The following GSE1 variants were observed in gnomAD, a reference collection of about 807,000 sequenced individuals.
GSE1 encodes Gse1 coiled-coil protein.
GSE1 carries 32 observed loss-of-function variants against 112.6 expected under a neutral mutation model. That is an observed-to-expected ratio of 0.28 (90% CI 0.21 to 0.38). GSE1 has a LOEUF of 0.38. GSE1 is among the 10% of genes least tolerant of loss of function. The probability of loss-of-function intolerance (pLI) is 1.00; values close to 1 mark genes in which losing one functional copy is unlikely to be tolerated. For synonymous variants in GSE1, 1,115 were observed against 735.6 expected (o/e 1.52, Z -8.35); for missense variants, 2,348 against 1,699.2 (o/e 1.38, Z -6.71).
intron 2 of GSE1, among the ~76,000 whole-genome samples, chr16:85,420,846 T>C (rs73259364): frequency 0.077 from 11,678 of 152,138 alleles, 465 homozygotes; most frequent in African/African-American, 0.1. Context: ...AGCCTGGAGC[T>C]GCAGTGCCGC....
At chr16:85,410,502 GGATAATCC>G (rs2048494930) in intron 2 of GSE1, among the ~76,000 whole-genome samples, 1 of 4,752 alleles carries the variant, frequency 2.1e-4, no homozygotes, top group Non-Finnish European at 7.0e-4. Context: ...AGGGCCCCCC[GGATAATCC>G]TCACTGTTAC....
chr16:85,400,588 CTGTGTA>C (rs2048081630), intron 2 of GSE1, among the ~76,000 whole-genome samples: 1 of 148,132 alleles, frequency 6.8e-6, no homozygotes, highest in Non-Finnish European at 1.5e-5. Context: ...ATGCATGCGT[CTGTGTA>C]TGAGTGTATG....
intron 1 of GSE1, among the ~76,000 whole-genome samples, chr16:85,280,310 G>A (rs2044820077): frequency 6.6e-6 from 1 of 152,172 alleles, no homozygotes; most frequent in Non-Finnish European, 1.5e-5. Flanking sequence ...CTCTGGCCAA[G>A]GCCCCATCCA....
At chr16:85,499,864 A>G (rs752253298) in intron 2 of GSE1, among the ~76,000 whole-genome samples, 1 of 152,234 alleles carries the variant, frequency 6.6e-6, no homozygotes, top group Non-Finnish European at 1.5e-5. Flanking sequence ...TTACAGCCCA[A>G]GCATCACGTA....
chr16:85,355,750 G>A (rs993925972), intron 1 of GSE1, among the ~76,000 whole-genome samples: 3 of 152,218 alleles, frequency 2.0e-5, no homozygotes, highest in African/African-American at 7.2e-5. Flanking sequence ...GCCAGGTGCA[G>A]GGGCTCACAC....
chr16:85,614,896 C>T (rs2048273264), intron 1 of GSE1, among the ~76,000 whole-genome samples: 2 of 152,268 alleles, frequency 1.3e-5, no homozygotes, highest in African/African-American at 4.8e-5. Context: ...CCCAGCCGCA[C>T]TCCGGGTGGA....
chr16:85,614,121 T>G (rs973062727), intron 1 of GSE1, among the ~76,000 whole-genome samples: 115 of 66,872 alleles, frequency 1.7e-3, no homozygotes, highest in African/African-American at 6.6e-3. Context: ...TGCCCCAGCC[T>G]CGGAGGTGGG....
chr16:85,229,205 C>T (rs1048724943), intron 1 of GSE1, among the ~76,000 whole-genome samples: 6 of 152,216 alleles, frequency 3.9e-5, no homozygotes, highest in African/African-American at 1.4e-4. Flanking sequence ...GCACCAGCGG[C>T]CTGGCCTGCG....
intron 1 of GSE1, among the ~76,000 whole-genome samples, chr16:85,220,592 C>A (rs985194223): frequency 5.3e-5 from 8 of 151,848 alleles, no homozygotes; most frequent in Admixed American, 5.2e-4. Context: ...ACTTCAGCCT[C>A]CCCACACAGG....
At chr16:85,175,110 A>G (rs1192912085) in intron 1 of GSE1, among the ~76,000 whole-genome samples, 1 of 152,218 alleles carries the variant, frequency 6.6e-6, no homozygotes, top group Non-Finnish European at 1.5e-5. Context: ...TTTAAAACAC[A>G]AGAGGAAACA....
At chr16:85,664,853 A>T (rs1323821667) in intron 11 of GSE1, 162 bp from the exon 12 acceptor site, 1 of 605,390 alleles carries the variant, frequency 1.7e-6, no homozygotes. Context: ...TCGCTTTGAG[A>T]TGGTTGCTTC....
At chr16:85,365,667 T>C (rs2047170772) in intron 2 of GSE1, among the ~76,000 whole-genome samples, 1 of 152,158 alleles carries the variant, frequency 6.6e-6, no homozygotes, top group African/African-American at 2.4e-5. Flanking sequence ...CAAAGGTTTG[T>C]AGAAGGCGAA....
exon 1 of GSE1, chr16:85,556,348 C>T: frequency 1.0e-6 from 1 of 984,976 alleles, no homozygotes; most frequent in Non-Finnish European, 1.2e-6. Context: ...GAAGCCGCCT[C>T]TGTATTACTT....
intron 1 of GSE1, among the ~76,000 whole-genome samples, chr16:85,208,997 C>T (rs1188626889): frequency 6.8e-6 from 1 of 147,610 alleles, no homozygotes; most frequent in Admixed American, 6.8e-5. Context: ...TGGGGTTCGC[C>T]TGTGTTGGGG....
chr16:85,527,445 G>C (rs1288460632), intron 2 of GSE1, among the ~76,000 whole-genome samples: 2 of 152,268 alleles, frequency 1.3e-5, no homozygotes, highest in Non-Finnish European at 2.9e-5. Context: ...CAGGGGTTGA[G>C]GACAAAGGCC....
intron 2 of GSE1, among the ~76,000 whole-genome samples, chr16:85,452,813 C>G (rs751356164): frequency 7.9e-5 from 12 of 152,232 alleles, no homozygotes; most frequent in Non-Finnish European, 1.5e-4. Flanking sequence ...CTCTCTCCCC[C>G]GTTCGTTCTG....
chr16:85,567,294 G>A (rs1230883915), intron 1 of GSE1, among the ~76,000 whole-genome samples: 4 of 152,172 alleles, frequency 2.6e-5, no homozygotes, highest in African/African-American at 2.4e-5. Flanking sequence ...ATAAAACATC[G>A]TTTTATTCTC....
At chr16:85,213,662 G>A (rs1462395734) in intron 1 of GSE1, among the ~76,000 whole-genome samples, 1 of 152,240 alleles carries the variant, frequency 6.6e-6, no homozygotes. Context: ...TCTGCTGTGT[G>A]AGGAAGACAC....
chr16:85,453,918 G>C (rs552131127), intron 2 of GSE1, among the ~76,000 whole-genome samples: 105 of 152,288 alleles, frequency 6.9e-4, no homozygotes, highest in African/African-American at 2.4e-3. Flanking sequence ...CAGGGCCCCA[G>C]GCCACCTGCA....
Sources: gnomAD v4.1 joint callset for allele counts (sites outside exome capture counted in the v4.1 genomes callset) on GRCh38, gnomAD v4.1.1 for gene constraint, MANE v1.5 for transcripts, NCBI Gene and HGNC (gene_info 2026-07-23, HGNC 2026-07-21) for gene names.